Variants in ADCY10 observed in about 807,000 individuals in gnomAD.
ADCY10 encodes the protein adenylate cyclase 10.
A neutral mutation model predicts 183.3 loss-of-function variants in ADCY10; 156 were observed. The observed-to-expected ratio is 0.85, with a 90% CI of 0.75 to 0.97. The LOEUF (loss-of-function observed/expected upper bound fraction) is 0.97, where lower values mean the gene tolerates loss of function less well. Among genes scored for constraint, ADCY10 ranks in the 50% least tolerant of loss-of-function variants. The pLI is 0.00. For synonymous variants in ADCY10, 645 were observed against 670.0 expected, an observed-to-expected ratio of 0.96 and a Z score of 0.58; for missense variants, 1,745 against 1,934.3, an observed-to-expected ratio of 0.90 and a Z score of 1.84.
intron 12 of ADCY10, among the ~76,000 whole-genome samples, chr1:167,878,104 A>T (rs1667604931): frequency 6.6e-6 from 1 of 152,226 alleles, no homozygotes; most frequent in South Asian, 2.1e-4. Flanking sequence ...CTCGGCATAC[A>T]GTTGACATAA....
At position 167,880,423 on chromosome 1, in the gene ADCY10, G is replaced by T. The variant is rs184205363; in HGVS notation, c.1139+68C>A. The stretch of plus-strand genomic sequence containing the variant: ...AATTCTTCTTTCTTTCCTGTTCCCT[G>T]CATGCCCTCCCTACTTATGCCTCAA... On this transcript the variant is annotated intron_variant, in intron 10 of 32. Transcript: ENST00000367851. 6.8e-5 allele frequency: 80 copies of T among 1,169,706 alleles called. 1 individual carries two copies. The East Asian group carries it at 1.8e-3, about 27-fold the overall frequency. 72.5% of individuals were successfully genotyped at this position (1,169,706 alleles called of 1,614,324 possible).
Position 167,840,358 on chromosome 1 carries a change from A to T in ADCY10, c.3008-3040T>A, listed in dbSNP as rs551513748. Among the ~76,000 whole-genome samples the T allele has an allele frequency of 2.3e-3, 197 of 84,136 alleles. 2 individuals carry two copies. Among genetic ancestry groups the T allele is most frequent in the African/African-American group, 0.013 (188 of 14,544 alleles). The allele number at this position is 84,136 out of a possible 152,430, so 55.2% of individuals were successfully genotyped here. A position where few individuals can be genotyped will look rare whatever the true frequency, so the allele number is the denominator to read the frequency against. ...ATTTATTGCTTGGGTGAATCATATTATTATTACTATTTTTTTTGGATGGAG... is the reference window on the plus strand; with the variant it reads ...ATTTATTGCTTGGGTGAATCATATTTTTATTACTATTTTTTTTGGATGGAG... On this transcript the variant is annotated intron_variant, in intron 21 of 32. Coordinates refer to ENST00000367851, the MANE Select transcript of ADCY10 (RefSeq NM_018417.6).
At chr1:167,890,267 G>A (rs1668499804) in intron 8 of ADCY10, among the ~76,000 whole-genome samples, 1 of 152,174 alleles carries the variant, frequency 6.6e-6, no homozygotes, top group Admixed American at 6.5e-5. Context: ...ATATTACAGA[G>A]CACCGCAAGT....
intron 8 of ADCY10, among the ~76,000 whole-genome samples, chr1:167,893,153 T>A (rs2102352687): frequency 6.6e-6 from 1 of 152,308 alleles, no homozygotes; most frequent in Non-Finnish European, 1.5e-5. Flanking sequence ...TTACCTGCAT[T>A]GTTAAATCTC....
chr1:167,830,214 C>T (rs1036350685), intron 25 of ADCY10, among the ~76,000 whole-genome samples: 9 of 152,016 alleles, frequency 5.9e-5, no homozygotes, highest in African/African-American at 1.9e-4. Context: ...ATTATTATCA[C>T]GCCCTCCCTC....
intron 21 of ADCY10, among the ~76,000 whole-genome samples, chr1:167,845,128 G>A (rs1453234911): frequency 6.6e-6 from 1 of 152,130 alleles, no homozygotes; most frequent in Non-Finnish European, 1.5e-5. Context: ...GCTTAGCCCT[G>A]GCTAATTCTC....
At chr1:167,904,536 T>A (rs1462251507) in intron 2 of ADCY10, 1 of 336,132 alleles carries the variant, frequency 3.0e-6, no homozygotes, top group Non-Finnish European at 5.4e-6. Flanking sequence ...TGTACAGTGA[T>A]AACTGCAACT....
intron 22 of ADCY10, chr1:167,836,908 C>A (rs1409790434): frequency 2.8e-6 from 1 of 353,886 alleles, no homozygotes; most frequent in African/African-American, 2.1e-5. Flanking sequence ...GCCTGTAGTC[C>A]CAGTTATTCA....
At chr1:167,847,667 C>T (rs905172070) in intron 19 of ADCY10, among the ~76,000 whole-genome samples, 1 of 152,152 alleles carries the variant, frequency 6.6e-6, no homozygotes, top group Non-Finnish European at 1.5e-5. Flanking sequence ...AGTGATCCAC[C>T]CGACTTGGCC....
intron 31 of ADCY10, among the ~76,000 whole-genome samples, chr1:167,816,856 C>A (rs1662560991): frequency 6.6e-6 from 1 of 152,092 alleles, no homozygotes; most frequent in Non-Finnish European, 1.5e-5. Flanking sequence ...AAACTTAGAT[C>A]TACATAAAGA....
intron 13 of ADCY10, among the ~76,000 whole-genome samples, chr1:167,872,348 A>G (rs1380892776): frequency 1.4e-5 from 2 of 145,788 alleles, no homozygotes; most frequent in African/African-American, 5.2e-5. Flanking sequence ...CAAAAAAAAT[A>G]AAGTTTCCTA....
chr1:167,870,206 T>C, intron 14 of ADCY10, 51 bp downstream of exon 14: 1 of 1,607,620 alleles, frequency 6.2e-7, no homozygotes, highest in Non-Finnish European at 8.5e-7. Flanking sequence ...AGCATCAAAA[T>C]AAATCAGGAT....
At chr1:167,811,511 A>C (rs1227606202) in intron 31 of ADCY10, among the ~76,000 whole-genome samples, 1 of 152,156 alleles carries the variant, frequency 6.6e-6, no homozygotes, top group Non-Finnish European at 1.5e-5. Flanking sequence ...CGCTTGAACC[A>C]GGGAGGCAGA....
intron 30 of ADCY10, 130 bp from the exon 31 acceptor site, chr1:167,818,397 C>G (rs548660693): frequency 1.2e-6 from 1 of 825,898 alleles, no homozygotes; most frequent in Non-Finnish European, 2.1e-6. Flanking sequence ...TCCTGCCTAC[C>G]CCTGCTTCAC....
At position 167,822,063 on chromosome 1, in the gene ADCY10, C is replaced by T. The variant is rs901346962; in HGVS notation, c.4247G>A (p.Ser1416Asn). The change falls in exon 30 of 33, where the codon AGT becomes AAT. Residue 1416 changes from serine to asparagine, a missense_variant. Ser to Asn is a conservative substitution (Grantham distance 46, BLOSUM62 1). Coordinates refer to ENST00000367851, the MANE Select transcript of ADCY10 (RefSeq NM_018417.6). ...YENNRILKFH[S>N]GLLLGLYSSV... Reference sequence around the variant, plus strand: ...GGAATAAAGTCCCAGGAGGAGTCCACTGTGGAACTTGAGGATTCTGTTGTT... The same window carrying T: ...GGAATAAAGTCCCAGGAGGAGTCCATTGTGGAACTTGAGGATTCTGTTGTT... The T allele has an allele frequency of 1.9e-6, 3 of 1,607,854 alleles. No individual in the cohort carries two copies. The highest frequency in any genetic ancestry group is 2.6e-6 in the Non-Finnish European group (3 of 1,174,330).
At chr1:167,838,673 C>T (rs1323110361) in intron 21 of ADCY10, among the ~76,000 whole-genome samples, 1 of 152,210 alleles carries the variant, frequency 6.6e-6, no homozygotes, top group Non-Finnish European at 1.5e-5. Flanking sequence ...CATTCATATG[C>T]TAATGGATTT....
intron 14 of ADCY10, among the ~76,000 whole-genome samples, chr1:167,868,684 A>G (rs1666870388): frequency 6.6e-6 from 1 of 152,224 alleles, no homozygotes; most frequent in South Asian, 2.1e-4. Context: ...TGCCCATACA[A>G]ATAGGCGAAC....
intron 26 of ADCY10, among the ~76,000 whole-genome samples, chr1:167,828,681 G>T (rs1663489367): frequency 6.6e-6 from 1 of 152,104 alleles, no homozygotes; most frequent in African/African-American, 2.4e-5. Context: ...AATATTTTAG[G>T]CCAGGTGCAG....
rs748409708 is a variant in ADCY10, at chr1:167,859,864, C to T, written c.1839G>A (p.Met613Ile). The change falls in exon 16 of 33, where the codon ATG becomes ATA. Residue 613 changes from methionine to isoleucine, a missense_variant. Physicochemically the swap from Met to Ile is conservative, Grantham distance 10. Transcript: ENST00000367851. ...QFPISREISR[M>I]STLKKQKQLE... ...ATTGTTTTTGCTTTTTCAAGGTGCT[C>T]ATCCTGGAAATCTCCCGAGAAATAG... The T allele has an allele frequency of 1.4e-5, 22 of 1,613,116 alleles. No individual in the cohort carries two copies. The highest frequency in any genetic ancestry group is 1.7e-5 in the Admixed American group (1 of 60,004).
Sources: gnomAD v4.1 joint callset for allele counts (sites outside exome capture counted in the v4.1 genomes callset) on GRCh38, gnomAD v4.1.1 for gene constraint, MANE v1.5 for transcripts, NCBI Gene and HGNC (gene_info 2026-07-23, HGNC 2026-07-21) for gene names.